CSNK1G1: variants seen among roughly 807,000 people sequenced by gnomAD.
CSNK1G1 encodes the protein casein kinase 1 gamma 1, also known as casein kinase I isoform gamma-1.
A neutral mutation model predicts 59.6 loss-of-function variants in CSNK1G1; 22 were observed. The observed-to-expected ratio is 0.37, with a 90% CI of 0.26 to 0.53. The LOEUF (loss-of-function observed/expected upper bound fraction) is 0.53. Among genes scored for constraint, CSNK1G1 ranks in the 20% least tolerant of loss-of-function variants. The pLI is 0.89. For synonymous variants in CSNK1G1, 179 were observed against 177.1 expected, an observed-to-expected ratio of 1.01 and a Z score of -0.08; for missense variants, 384 against 519.5, an observed-to-expected ratio of 0.74 and a Z score of 2.54.
chr15:64,219,094 AT>A (rs1156970948), intron 4 of CSNK1G1, among the ~76,000 whole-genome samples: 1 of 152,062 alleles, frequency 6.6e-6, no homozygotes, highest in African/African-American at 2.4e-5. Context: ...ACCTCAGGTG[AT>A]CCGCCCGCCT....
At chr15:64,346,612 C>T (rs1168502251) in intron 1 of CSNK1G1, among the ~76,000 whole-genome samples, 1 of 151,930 alleles carries the variant, frequency 6.6e-6, no homozygotes, top group Non-Finnish European at 1.5e-5. Context: ...CGCACACCAC[C>T]ACACCCGGCT....
chr15:64,176,773 A>G lies in CSNK1G1; in HGVS notation c.1214+3575T>C, dbSNP rs1206723056. On this transcript the variant is annotated intron_variant, in intron 11 of 11. Coordinates refer to ENST00000303052, the MANE Select transcript of CSNK1G1 (RefSeq NM_022048.5). The surrounding 1 kb of genome is among the most constrained non-coding windows in gnomAD (Gnocchi z 5.2). ...CAAGTCCAACATGCCTGATCAAAGC[A>G]GCTAGCAGTTAGCTCTTCCTCTAGA... Among the ~76,000 whole-genome samples, 2 of 152,242 alleles carry G rather than the reference A, an allele frequency of 1.3e-5. No homozygotes were observed. The highest frequency in any genetic ancestry group is 4.8e-5 in the African/African-American group (2 of 41,464).
Position 64,177,274 on chromosome 15 carries a change from C to A in CSNK1G1, c.1214+3074G>T, listed in dbSNP as rs568699437. Among the ~76,000 whole-genome samples, 191 of 152,290 alleles carry A rather than the reference C, an allele frequency of 1.3e-3. 4 individuals are homozygous for A. In the South Asian group the frequency reaches 0.02, roughly 16 times the overall value. ...CATCCCCTTCTACCCCACAAGCAGG[C>A]TGCATGAACAAATGGCATCACAGCT... On this transcript the variant is annotated intron_variant, in intron 11 of 11. Transcript: ENST00000303052.
At chr15:64,230,014 C>T (rs929038310) in intron 4 of CSNK1G1, among the ~76,000 whole-genome samples, 14 of 142,068 alleles carry the variant, frequency 9.9e-5, no homozygotes, top group Non-Finnish European at 1.5e-4. Context: ...TTCCACCTCC[C>T]GGGTTCAAGG....
intron 1 of CSNK1G1, among the ~76,000 whole-genome samples, chr15:64,301,222 TG>T (rs1217179965): frequency 6.6e-6 from 1 of 152,168 alleles, no homozygotes; most frequent in Admixed American, 6.5e-5. Flanking sequence ...ACAACCTCTA[TG>T]AAGGAACTTC....
intron 1 of CSNK1G1, among the ~76,000 whole-genome samples, chr15:64,326,231 G>A (rs1035292552): frequency 6.6e-6 from 1 of 152,116 alleles, no homozygotes; most frequent in African/African-American, 2.4e-5. Context: ...TTGCCATGTT[G>A]CTCAGGCCAG....
intron 7 of CSNK1G1, among the ~76,000 whole-genome samples, chr15:64,205,231 A>G (rs571991447): frequency 6.7e-6 from 1 of 148,970 alleles, no homozygotes; most frequent in Non-Finnish European, 1.5e-5. Context: ...GAAAATAACA[A>G]TATTATGTGG....
At chr15:64,303,442 C>G (rs1160906019) in intron 1 of CSNK1G1, among the ~76,000 whole-genome samples, 2 of 151,290 alleles carry the variant, frequency 1.3e-5, no homozygotes, top group African/African-American at 2.4e-5. Flanking sequence ...TACGGAGACC[C>G]CATGTCTACA....
chr15:64,342,621 A>T (rs918035730), intron 1 of CSNK1G1: 1 of 152,262 alleles, frequency 6.6e-6, no homozygotes, highest in Non-Finnish European at 1.5e-5. Context: ...CATGTCATCC[A>T]GGGATAAAGC....
intron 2 of CSNK1G1, among the ~76,000 whole-genome samples, chr15:64,297,104 G>A (rs186177156): frequency 1.2e-3 from 175 of 151,634 alleles, no homozygotes; most frequent in Non-Finnish European, 1.7e-3. Flanking sequence ...AAACAATACA[G>A]AAAGAATCCC....
At chr15:64,296,561 T>C (rs967617572) in intron 2 of CSNK1G1, among the ~76,000 whole-genome samples, 4 of 152,094 alleles carry the variant, frequency 2.6e-5, no homozygotes, top group Admixed American at 6.6e-5. Flanking sequence ...ATTCAAGAAA[T>C]AGTTGTTAAA....
At chr15:64,233,198 T>G (rs538767014) in intron 4 of CSNK1G1, among the ~76,000 whole-genome samples, 1 of 152,204 alleles carries the variant, frequency 6.6e-6, no homozygotes, top group Non-Finnish European at 1.5e-5. Context: ...TGAAAAGGTG[T>G]CAGTACTTTG....
At chr15:64,248,030 C>T (rs894536957) in intron 4 of CSNK1G1, among the ~76,000 whole-genome samples, 3 of 152,168 alleles carry the variant, frequency 2.0e-5, no homozygotes, top group South Asian at 2.1e-4. Context: ...ACAGACAAAA[C>T]ACTAGTGAGT....
chr15:64,199,751 G>A (rs1056908156), intron 10 of CSNK1G1, among the ~76,000 whole-genome samples: 1 of 152,140 alleles, frequency 6.6e-6, no homozygotes, highest in Non-Finnish European at 1.5e-5. Context: ...TACTCGGGAG[G>A]CTGAGGCAGG....
intron 1 of CSNK1G1, among the ~76,000 whole-genome samples, chr15:64,332,750 T>G (rs1025581038): frequency 2.7e-5 from 4 of 145,724 alleles, no homozygotes; most frequent in South Asian, 2.2e-4. Flanking sequence ...AAAAAAAAAG[T>G]AGTTGAAAAA....
intron 1 of CSNK1G1, among the ~76,000 whole-genome samples, chr15:64,354,176 G>A (rs182139139): frequency 6.6e-6 from 1 of 152,198 alleles, no homozygotes; most frequent in Admixed American, 6.5e-5. Flanking sequence ...GTAGTGGCAG[G>A]CGCCTGTGAT....
intron 2 of CSNK1G1, among the ~76,000 whole-genome samples, chr15:64,277,380 C>T (rs1893691782): frequency 6.6e-6 from 1 of 151,558 alleles, no homozygotes; most frequent in South Asian, 2.1e-4. Context: ...TGGGAGGATC[C>T]TTTGAGTCCA....
intron 4 of CSNK1G1, among the ~76,000 whole-genome samples, chr15:64,224,608 C>CA (rs562570071): frequency 2.6e-5 from 4 of 152,104 alleles, no homozygotes; most frequent in Non-Finnish European, 5.9e-5. Context: ...TGAATTTACT[C>CA]AAAATGCTGG....
chr15:64,279,210 C>T (rs796916536), intron 2 of CSNK1G1, among the ~76,000 whole-genome samples: 13 of 152,200 alleles, frequency 8.5e-5, no homozygotes, highest in African/African-American at 3.1e-4. Context: ...ATACATACAC[C>T]CATGTAACTA....
Sources: allele counts gnomAD v4.1 joint callset (sites outside exome capture counted in the v4.1 genomes callset), GRCh38; gene constraint gnomAD v4.1.1; non-coding constraint Gnocchi (gnomAD v3.1); transcripts MANE v1.5; gene names NCBI Gene and HGNC (gene_info 2026-07-23, HGNC 2026-07-21).